Variants in SLFN12L observed in about 807,000 individuals in gnomAD.
SLFN12L encodes schlafen family member 12-like.
Under a neutral mutation model 34.8 loss-of-function variants are expected in SLFN12L, and 34 were observed. The observed-to-expected ratio is 0.98, with a 90% CI of 0.74 to 1.30. SLFN12L has a LOEUF of 1.30. Among genes scored for constraint, SLFN12L ranks in the 50% most tolerant of loss-of-function variants. The probability of loss-of-function intolerance (pLI) is 0.00; values close to 1 mark genes in which losing one functional copy is unlikely to be tolerated. For missense variants in SLFN12L, 703 were observed against 696.2 expected (o/e 1.01, Z -0.11); for synonymous variants, 259 against 247.5 (o/e 1.05, Z -0.44).
rs1335528303 is a variant in SLFN12L, at chr17:35,498,881, C to G, written c.87-18686G>C. On this transcript the variant is annotated intron_variant, in intron 2 of 4. Transcript: ENST00000628453. ...GCTCCTCCCGCAGTGAGAACAATTACTTGGAGGCCCCTGATATGCCCAGCC... is the reference window on the plus strand; with the variant it reads ...GCTCCTCCCGCAGTGAGAACAATTAGTTGGAGGCCCCTGATATGCCCAGCC... 5.7e-6 allele frequency: 4 copies of G among 700,146 alleles called. No individual in the cohort carries two copies. The African/African-American group carries it at 7.1e-5, about 12-fold the overall frequency. 43.4% of individuals were successfully genotyped at this position (700,146 alleles called of 1,614,324 possible).
At chr17:35,527,838 G>C (rs945666307) in intron 1 of SLFN12L, among the ~76,000 whole-genome samples, 13 of 152,122 alleles carry the variant, frequency 8.5e-5, no homozygotes, top group Admixed American at 3.9e-4. Context: ...ACATAGTATT[G>C]GAAGTTCTGG....
At chr17:35,530,508 G>GAAAGAAAGAAAGAAAGAAAGAAAAGA (rs1555545979) in intron 1 of SLFN12L, among the ~76,000 whole-genome samples, 3 of 32,766 alleles carry the variant, frequency 9.2e-5, no homozygotes, top group Non-Finnish European at 1.7e-4. Flanking sequence ...AAGAAAGAAA[G>GAAAGAAAGAAAGAAAGAAAGAAAAGA]AAAGAAAAGA....
At chr17:35,530,523 AAAAGAAAAGAAAAG>A (rs2072399141) in intron 1 of SLFN12L, among the ~76,000 whole-genome samples, 1 of 43,832 alleles carries the variant, frequency 2.3e-5, no homozygotes, top group African/African-American at 7.1e-5. Flanking sequence ...AAAAGAAAAG[AAAAGAAAAGAAAAG>A]AAAAGAAAGA....
intron 1 of SLFN12L, among the ~76,000 whole-genome samples, chr17:35,532,822 G>T (rs2072424578): frequency 6.6e-6 from 1 of 152,162 alleles, no homozygotes; most frequent in Admixed American, 6.5e-5. Context: ...GAACCCAGGA[G>T]GCAGAGGTTG....
In SLFN12L at chr17:35,464,730, A is replaced by G. The variant is rs552238712; in HGVS notation, c.*10193T>C. 8.5e-5 allele frequency: 13 copies of G among 152,352 alleles called. No homozygotes were observed. The highest frequency in any genetic ancestry group is 2.9e-4 in the African/African-American group (12 of 41,578). The allele number at this position is 152,352 out of a possible 1,614,324, so 9.4% of individuals were successfully genotyped here. ...AGATTGTACATGTACATAGATAAAG[A>G]TATCAAACGTATATCTAAATTAAAA... is the stretch of plus-strand genomic sequence containing the variant. On this transcript the variant is annotated 3_prime_UTR_variant, in exon 5 of 5. Coordinates refer to ENST00000628453, the MANE Select transcript of SLFN12L (RefSeq NM_001363830.2).
At chr17:35,485,485 T>C (rs1914542828) in intron 2 of SLFN12L, among the ~76,000 whole-genome samples, 1 of 152,246 alleles carries the variant, frequency 6.6e-6, no homozygotes, top group Non-Finnish European at 1.5e-5. Context: ...GTCTGTTTAC[T>C]CTGTTGAGAC....
chr17:35,467,208 A>G lies in SLFN12L; in HGVS notation c.*7715T>C, dbSNP rs1029017341. ...GAACAGCAATAGAAGTTCACGGACT[A>G]TATGAATGGCACTGCCAACCACCAT... On this transcript the variant is annotated 3_prime_UTR_variant, in exon 5 of 5. Transcript: ENST00000628453. 1.3e-5 allele frequency among the ~76,000 whole-genome samples: 2 copies of G among 152,240 alleles called. No individual in the cohort carries two copies. Among genetic ancestry groups the G allele is most frequent in the Non-Finnish European group, 2.9e-5 (2 of 68,044 alleles).
chr17:35,510,747 T>A (rs1250995130), intron 2 of SLFN12L, among the ~76,000 whole-genome samples: 3 of 150,464 alleles, frequency 2.0e-5, no homozygotes, highest in South Asian at 2.1e-4. Context: ...ATCTCAGTTT[T>A]AAAAAAAGGA....
At chr17:35,507,987 GA>G (rs138146659) in intron 2 of SLFN12L, among the ~76,000 whole-genome samples, 3,084 of 152,306 alleles carry the variant, frequency 0.02, 100 homozygotes, top group African/African-American at 0.069. Flanking sequence ...CTAAAAGGCA[GA>G]AATGAAATCC....
chr17:35,516,915 T>C (rs1277555596), intron 2 of SLFN12L, among the ~76,000 whole-genome samples: 2 of 152,230 alleles, frequency 1.3e-5, no homozygotes, highest in Non-Finnish European at 2.9e-5. Context: ...CATTTAAAAA[T>C]GATTCATGTA....
intron 1 of SLFN12L, among the ~76,000 whole-genome samples, chr17:35,524,082 A>C (rs2072308778): frequency 6.6e-6 from 1 of 152,184 alleles, no homozygotes. Context: ...TTTACTGGTA[A>C]TTGTTTATTG....
chr17:35,479,187 G>C lies in SLFN12L; in HGVS notation c.1095C>G (p.His365Gln). 1 of 1,578,980 alleles carries C rather than the reference G, an allele frequency of 6.3e-7. No homozygotes were observed. The highest frequency in any genetic ancestry group is 1.2e-5 in the South Asian group (1 of 86,514). The change falls in exon 3 of 5, where the codon CAC (histidine) becomes CAG (glutamine). Residue 365 changes from histidine to glutamine, a missense_variant. By Grantham distance (24) the His-to-Gln change is conservative. Coordinates refer to ENST00000628453, the MANE Select transcript of SLFN12L (RefSeq NM_001363830.2). ...AVFAKKPDSW[H>Q]VKDNRVKQLT... ...ACTGCTTAACTCTGTTATCTTTCAC[G>C]TGCCAGGAATCAGGCTTTTTAGCAA...
Position 35,474,852 on chromosome 17 carries a change from A to T in SLFN12L, c.*71T>A, listed in dbSNP as rs1182888412. 1 of 1,434,150 alleles carries T rather than the reference A, an allele frequency of 7.0e-7. No individual in the cohort carries two copies. Among genetic ancestry groups the T allele is most frequent in the Non-Finnish European group, 9.2e-7 (1 of 1,089,752 alleles). The allele number at this position is 1,434,150 out of a possible 1,614,324, so 88.8% of individuals were successfully genotyped here. A position where few individuals can be genotyped will look rare whatever the true frequency, so the allele number is the denominator to read the frequency against. ...GAGGCTGAGGCAGGGAATTGCTTGA[A>T]CCCAGGAGGCAGAGGTTGCAGTGAG... On this transcript the variant is annotated 3_prime_UTR_variant, in exon 5 of 5. Transcript: ENST00000628453.
intron 2 of SLFN12L, among the ~76,000 whole-genome samples, chr17:35,513,034 A>G (rs934007425): frequency 6.6e-6 from 1 of 152,064 alleles, no homozygotes; most frequent in Admixed American, 6.6e-5. Flanking sequence ...GGGCTAGTGC[A>G]AAAGGTTTCT....
In SLFN12L at chr17:35,491,011, G is replaced by A. The variant is rs147131027; in HGVS notation, c.87-10816C>T. ...TTTCTATGGGAAACCTTTCTCCTCC[G>A]GCCTCCCCAGCCAACCTCTTACAGC... On this transcript the variant is annotated intron_variant, in intron 2 of 4. Coordinates refer to ENST00000628453, the MANE Select transcript of SLFN12L (RefSeq NM_001363830.2). 2,097 of 788,652 alleles carry A rather than the reference G, an allele frequency of 2.7e-3. 6 individuals carry two copies. The highest frequency in any genetic ancestry group is 0.013 in the Middle Eastern group (57 of 4,432). The allele number at this position is 788,652 out of a possible 1,614,324, so 48.9% of individuals were successfully genotyped here. A position where few individuals can be genotyped will look rare whatever the true frequency, so the allele number is the denominator to read the frequency against.
At chr17:35,519,963 A>G (rs760384451) in intron 2 of SLFN12L, among the ~76,000 whole-genome samples, 18 of 152,204 alleles carry the variant, frequency 1.2e-4, no homozygotes, top group Non-Finnish European at 2.1e-4. Flanking sequence ...TAGACACAAC[A>G]ACTGACCAGC....
intron 3 of SLFN12L, 57 bp from the exon 4 acceptor site, chr17:35,478,242 TCAAGCTAACTAATGCA>T: frequency 1.8e-6 from 2 of 1,106,142 alleles, no homozygotes; most frequent in Non-Finnish European, 2.7e-6. Context: ...TGGGAGAGAC[TCAAGCTAACTAATGCA>T]CAGTATACCA....
In SLFN12L at chr17:35,465,381, C is replaced by A. The variant is rs1913706280; in HGVS notation, c.*9542G>T. Among the ~76,000 whole-genome samples, 1 of 151,746 alleles carries A rather than the reference C, an allele frequency of 6.6e-6. No individual in the cohort carries two copies. Among genetic ancestry groups the A allele is most frequent in the South Asian group, 2.1e-4 (1 of 4,788 alleles). ...TATTTTATATCTTGATTGAATTGCT[C>A]ATAGTTGTTGTACTCAGTGCCTTAA... On this transcript the variant is annotated 3_prime_UTR_variant, in exon 5 of 5. Coordinates refer to ENST00000628453, the MANE Select transcript of SLFN12L (RefSeq NM_001363830.2).
At chr17:35,498,495 C>A in intron 2 of SLFN12L, 2 of 1,197,524 alleles carry the variant, frequency 1.7e-6, no homozygotes, top group Non-Finnish European at 2.5e-6. Context: ...CGAAGTGATG[C>A]CTCTCCTTTA....
Sources: allele counts gnomAD v4.1 joint callset (sites outside exome capture counted in the v4.1 genomes callset), GRCh38; gene constraint gnomAD v4.1.1; transcripts MANE v1.5; gene names NCBI Gene and HGNC (gene_info 2026-07-23, HGNC 2026-07-21).